DPH6: variants seen among roughly 807,000 people sequenced by gnomAD.
DPH6 encodes diphthamine biosynthesis 6.
DPH6 carries 33 observed loss-of-function variants against 38.2 expected under a neutral mutation model. That is an observed-to-expected ratio of 0.86 (90% CI 0.65 to 1.15). DPH6 has a LOEUF of 1.15. Among genes scored for constraint, DPH6 ranks in the 50% most tolerant of loss-of-function variants. DPH6 has a pLI of 0.00. For missense variants in DPH6, 325 were observed against 320.0 expected, an observed-to-expected ratio of 1.02 and a Z score of -0.12; for synonymous variants, 108 against 103.0, an observed-to-expected ratio of 1.05 and a Z score of -0.30.
the DPH6 span, among the ~76,000 whole-genome samples, chr15:35,150,255 T>C: frequency 6.6e-6 from 1 of 152,218 alleles, no homozygotes; most frequent in Non-Finnish European, 1.5e-5. Context: ...AGAGAGAGAA[T>C]GACAGATCAG....
At chr15:35,247,839 A>G (rs2051646619) in intron 3 of DPH6, among the ~76,000 whole-genome samples, 1 of 152,326 alleles carries the variant, frequency 6.6e-6, no homozygotes, top group South Asian at 2.1e-4. Context: ...AAGAAAAATC[A>G]GGTAAAAGGT....
chr15:35,512,323 G>C (rs2054785943), intron 3 of DPH6, among the ~76,000 whole-genome samples: 1 of 152,252 alleles, frequency 6.6e-6, no homozygotes, highest in Admixed American at 6.5e-5. Context: ...GAGCAGAAGA[G>C]TGTGGCTAGT....
At chr15:35,336,322 T>G (rs2052372120) in intron 3 of DPH6, among the ~76,000 whole-genome samples, 1 of 151,480 alleles carries the variant, frequency 6.6e-6, no homozygotes, top group African/African-American at 2.4e-5. Flanking sequence ...AGACGAAGAT[T>G]TGGTCTTGTC....
chr15:35,332,534 T>A (rs1347067868), intron 3 of DPH6, among the ~76,000 whole-genome samples: 1 of 152,166 alleles, frequency 6.6e-6, no homozygotes, highest in Non-Finnish European at 1.5e-5. Flanking sequence ...TTAATTGTAC[T>A]TTTTAAAAGG....
intron 3 of DPH6, chr15:35,299,158 C>G: frequency 7.7e-7 from 1 of 1,306,564 alleles, no homozygotes; most frequent in Non-Finnish European, 1.1e-6. Flanking sequence ...TATTCGTCAG[C>G]TAAGGGAATC....
intron 3 of DPH6, among the ~76,000 whole-genome samples, chr15:35,233,177 C>T (rs903164535): frequency 5.3e-5 from 8 of 151,988 alleles, no homozygotes; most frequent in African/African-American, 9.7e-5. Flanking sequence ...GGTGTGGTGG[C>T]GGGCACCTGT....
chr15:35,277,963 G>A (rs2051870329), intron 3 of DPH6, among the ~76,000 whole-genome samples: 1 of 152,136 alleles, frequency 6.6e-6, no homozygotes, highest in Admixed American at 6.5e-5. Context: ...GGGAAACAGA[G>A]CATAAAAGTT....
chr15:35,419,068 TACACAC>T (rs145718698), intron 5 of DPH6, among the ~76,000 whole-genome samples: 1 of 144,948 alleles, frequency 6.9e-6, no homozygotes, highest in African/African-American at 2.5e-5. Context: ...CACACACACA[TACACAC>T]ACACACACAC....
intron 6 of DPH6, among the ~76,000 whole-genome samples, chr15:35,391,885 C>A (rs974362565): frequency 2.6e-5 from 4 of 152,204 alleles, no homozygotes; most frequent in Admixed American, 6.5e-5. Context: ...GTGAGAGGAA[C>A]CCGGTACCTC....
chr15:35,474,352 C>A (rs1234235730), intron 3 of DPH6, among the ~76,000 whole-genome samples: 1 of 152,120 alleles, frequency 6.6e-6, no homozygotes, highest in African/African-American at 2.4e-5. Context: ...AATACTGCCA[C>A]ATAAACATAT....
intron 3 of DPH6, among the ~76,000 whole-genome samples, chr15:35,292,424 T>C (rs1595463912): frequency 6.6e-6 from 1 of 152,192 alleles, no homozygotes; most frequent in East Asian, 1.9e-4. Flanking sequence ...AATCTGGGTC[T>C]GCCATGAGAC....
chr15:35,333,946 A>G (rs2052347523), intron 3 of DPH6, among the ~76,000 whole-genome samples: 1 of 152,198 alleles, frequency 6.6e-6, no homozygotes, highest in African/African-American at 2.4e-5. Context: ...ATGCAGCCAT[A>G]AAGAAGAACA....
At chr15:35,369,702 A>G (rs538237997), downstream of DPH6, among the ~76,000 whole-genome samples, 27 of 151,876 alleles carry the variant, frequency 1.8e-4, no homozygotes, top group African/African-American at 6.0e-4. Flanking sequence ...GAAGAGAAAA[A>G]AGGTGTCTAA....
intron 5 of DPH6, among the ~76,000 whole-genome samples, chr15:35,441,647 C>A (rs1013876834): frequency 6.6e-6 from 1 of 152,114 alleles, no homozygotes; most frequent in Non-Finnish European, 1.5e-5. Context: ...ACATCACACA[C>A]CAGGCCCTGC....
intron 5 of DPH6, among the ~76,000 whole-genome samples, chr15:35,425,613 C>A (rs2053558735): frequency 1.3e-5 from 2 of 150,070 alleles, no homozygotes. Context: ...TAAAACATAC[C>A]TATATACATA....
chr15:35,468,813 AT>A (rs2141121288), intron 3 of DPH6, among the ~76,000 whole-genome samples: 1 of 152,210 alleles, frequency 6.6e-6, no homozygotes, highest in East Asian at 1.9e-4. Flanking sequence ...CATGCCAGTA[AT>A]CCCAGCACTT....
intron 3 of DPH6, among the ~76,000 whole-genome samples, chr15:35,506,241 T>A (rs968737444): frequency 2.0e-5 from 3 of 151,800 alleles, no homozygotes; most frequent in African/African-American, 4.8e-5. Context: ...CAAAAGCAAA[T>A]CTCTAGGAAT....
In DPH6 at chr15:35,439,207, C is replaced by T. The variant is rs530972187; in HGVS notation, c.505+11478G>A. On this transcript the variant is annotated intron_variant, in intron 5 of 8. Transcript: ENST00000256538. ...ATGTTGATGAATATCAAACAGAACA[C>T]GAGTTAATGGAATGGACCGAACTAA... 3.9e-5 allele frequency among the ~76,000 whole-genome samples: 6 copies of T among 152,310 alleles called. No homozygotes were observed. In the South Asian group the frequency reaches 8.3e-4, roughly 21 times the overall value.
chr15:35,161,080 T>C, the DPH6 span, among the ~76,000 whole-genome samples: 1 of 152,108 alleles, frequency 6.6e-6, no homozygotes, highest in African/African-American at 2.4e-5. Flanking sequence ...ACATGGCACA[T>C]GTATACATAT....
Sources: allele counts gnomAD v4.1 joint callset (sites outside exome capture counted in the v4.1 genomes callset), GRCh38; gene constraint gnomAD v4.1.1; transcripts MANE v1.5; gene names NCBI Gene and HGNC (gene_info 2026-07-23, HGNC 2026-07-21).